ANKRD36: variants seen among roughly 807,000 people sequenced by gnomAD.
ANKRD36 encodes the protein ankyrin repeat domain-containing protein 36A.
A neutral mutation model predicts 278.1 loss-of-function variants in ANKRD36; 179 were observed. That is an observed-to-expected ratio of 0.64 (90% CI 0.57 to 0.73). The LOEUF (loss-of-function observed/expected upper bound fraction) is 0.73, where lower values mean the gene tolerates loss of function less well. ANKRD36 is among the 30% of genes least tolerant of loss of function. The pLI is 0.00. For missense variants in ANKRD36, 1,159 were observed against 1,956.7 expected (o/e 0.59, Z 7.69); for synonymous variants, 320 against 641.1 (o/e 0.50, Z 7.57).
At chr2:97,172,325 A>G (rs1185668953) in intron 22 of ANKRD36, among the ~76,000 whole-genome samples, 2 of 151,898 alleles carry the variant, frequency 1.3e-5, no homozygotes, top group Admixed American at 1.3e-4. Flanking sequence ...CCAGTGAGGT[A>G]TTTCTTGATT....
chr2:97,163,956 T>C (rs1244651573), intron 18 of ANKRD36: 1 of 1,172,040 alleles, frequency 8.5e-7, no homozygotes, highest in Non-Finnish European at 1.1e-6. Flanking sequence ...TTTGGTTCTC[T>C]CATTTGACGT....
chr2:97,220,774 A>ATTTTTTTTTTTTTTTTTTTTTTTTTT (rs2067344191), intron 66 of ANKRD36, among the ~76,000 whole-genome samples: 1 of 46,392 alleles, frequency 2.2e-5, no homozygotes, highest in Non-Finnish European at 3.7e-5. Context: ...TTTTTTTTTT[A>ATTTTTTTTTTTTTTTTTTTTTTTTTT]ATTTTTTTTT....
chr2:97,171,468 G>T (rs1288653199), intron 22 of ANKRD36, among the ~76,000 whole-genome samples: 1 of 135,204 alleles, frequency 7.4e-6, no homozygotes, highest in Non-Finnish European at 1.6e-5. Flanking sequence ...ACCAAACACC[G>T]CATATTCTCA....
intron 10 of ANKRD36, 97 bp from the exon 11 acceptor site, chr2:97,146,389 G>C: frequency 9.6e-7 from 1 of 1,046,050 alleles, no homozygotes; most frequent in East Asian, 2.7e-5. Flanking sequence ...TTGAGTAGCT[G>C]AGATTATAGG....
At chr2:97,199,867 C>A (rs564156735) in intron 44 of ANKRD36, among the ~76,000 whole-genome samples, 1 of 151,868 alleles carries the variant, frequency 6.6e-6, no homozygotes, top group Non-Finnish European at 1.5e-5. Context: ...GGAGTGTCAT[C>A]GTAATTGTGT....
intron 22 of ANKRD36, among the ~76,000 whole-genome samples, chr2:97,177,397 T>C (rs2054604442): frequency 6.6e-6 from 1 of 151,908 alleles, no homozygotes; most frequent in African/African-American, 2.4e-5. Flanking sequence ...AGAACAAAGC[T>C]GGAGGCATCA....
At chr2:97,129,751 T>G (rs2039582118) in intron 6 of ANKRD36, among the ~76,000 whole-genome samples, 1 of 152,102 alleles carries the variant, frequency 6.6e-6, no homozygotes, top group Non-Finnish European at 1.5e-5. Flanking sequence ...TTTCTTCTTT[T>G]TGTCAGGTTT....
In ANKRD36 at chr2:97,198,480, C is replaced by A. The variant is rs766889983; in HGVS notation, c.2671C>A (p.Pro891Thr). Reference protein sequence around the residue: ...KSRTVSSEKPPGLKASSAEKD... With the variant: ...KSRTVSSEKPTGLKASSAEKD... Reference sequence around the variant, plus strand: ...CTTTTCAGTGTCTTCTGAGAAACCACCAGGCTTGAAGGTAATGAAACTGTC... The same window carrying A: ...CTTTTCAGTGTCTTCTGAGAAACCAACAGGCTTGAAGGTAATGAAACTGTC... The change falls in exon 43 of 76, where the codon CCA becomes ACA. Residue 891 changes from proline to threonine, a missense_variant. By Grantham distance (38) the Pro-to-Thr change is conservative. Transcript: ENST00000420699. 1 of 1,580,530 alleles carries A rather than the reference C, an allele frequency of 6.3e-7. No homozygotes were observed. Among genetic ancestry groups the A allele is most frequent in the Non-Finnish European group, 8.6e-7 (1 of 1,165,530 alleles).
chr2:97,180,298 A>T (rs183611797), intron 24 of ANKRD36, among the ~76,000 whole-genome samples: 1 of 151,722 alleles, frequency 6.6e-6, no homozygotes, highest in African/African-American at 2.4e-5. Context: ...TCATATTGTT[A>T]TCAACAGAGG....
intron 52 of ANKRD36, among the ~76,000 whole-genome samples, chr2:97,206,882 G>A (rs2063004459): frequency 2.0e-5 from 3 of 151,390 alleles, no homozygotes; most frequent in South Asian, 4.2e-4. Flanking sequence ...TGGTTTCCTT[G>A]TTCAAGGAGC....
chr2:97,185,618 A>G, intron 30 of ANKRD36, 108 bp downstream of exon 30: 1 of 1,343,322 alleles, frequency 7.4e-7, no homozygotes, highest in Non-Finnish European at 1.0e-6. Context: ...ATTCTGATTC[A>G]GCAGGCCCGA....
At chr2:97,121,616 A>T (rs2036861112) in intron 3 of ANKRD36, among the ~76,000 whole-genome samples, 1 of 152,102 alleles carries the variant, frequency 6.6e-6, no homozygotes, top group African/African-American at 2.4e-5. Context: ...ACTGCACTCC[A>T]GCCTGGGCGA....
At chr2:97,223,393 C>G (rs1266667391) in intron 66 of ANKRD36, among the ~76,000 whole-genome samples, 2 of 151,632 alleles carry the variant, frequency 1.3e-5, no homozygotes, top group Non-Finnish European at 2.9e-5. Flanking sequence ...GCCACCACAC[C>G]CAGCCTATAC....
chr2:97,158,543 T>C (rs2048106861), intron 16 of ANKRD36, 45 bp from the exon 17 acceptor site: 2 of 1,527,046 alleles, frequency 1.3e-6, no homozygotes. Flanking sequence ...TCTTGATTCT[T>C]AATTACATGC....
At chr2:97,123,040 T>A (rs1345495833) in intron 4 of ANKRD36, 47 bp downstream of exon 4, 2 of 1,440,778 alleles carry the variant, frequency 1.4e-6, no homozygotes, top group Admixed American at 4.8e-5. Flanking sequence ...CTGAGTGTCA[T>A]TTTAGTGTGG....
intron 48 of ANKRD36, among the ~76,000 whole-genome samples, chr2:97,202,847 C>T (rs891882922): frequency 7.2e-5 from 11 of 151,892 alleles, no homozygotes; most frequent in South Asian, 4.2e-4. Flanking sequence ...CCAAAGAAGA[C>T]GGATTGTGAG....
intron 36 of ANKRD36, 135 bp from the exon 37 acceptor site, chr2:97,192,723 G>C (rs1204815945): frequency 2.4e-6 from 3 of 1,275,444 alleles, no homozygotes; most frequent in Non-Finnish European, 3.3e-6. Flanking sequence ...CTAGTCCCCA[G>C]ACTAAAAGTA....
chr2:97,203,390 T>C (rs1213571816), intron 48 of ANKRD36, among the ~76,000 whole-genome samples: 1 of 151,868 alleles, frequency 6.6e-6, no homozygotes, highest in Non-Finnish European at 1.5e-5. Context: ...TTATTGAGGC[T>C]AATATATTAT....
At chr2:97,138,725 T>C (rs1216925284) in intron 6 of ANKRD36, among the ~76,000 whole-genome samples, 1 of 152,016 alleles carries the variant, frequency 6.6e-6, no homozygotes, top group East Asian at 1.9e-4. Context: ...ATGGTACTGG[T>C]ACCAAAAGAG....
Sources: gnomAD v4.1 joint callset for allele counts (sites outside exome capture counted in the v4.1 genomes callset) on GRCh38, gnomAD v4.1.1 for gene constraint, MANE v1.5 for transcripts, NCBI Gene and HGNC (gene_info 2026-07-23, HGNC 2026-07-21) for gene names.